Variants in TMEM255B observed in about 807,000 individuals in gnomAD.
TMEM255B encodes family with sequence similarity 70, member B.
A neutral mutation model predicts 34.5 loss-of-function variants in TMEM255B; 35 were observed. The observed-to-expected ratio is 1.01, with a 90% CI of 0.77 to 1.34. The LOEUF (loss-of-function observed/expected upper bound fraction) is 1.34. Among genes scored for constraint, TMEM255B ranks in the 40% most tolerant of loss-of-function variants. The probability of loss-of-function intolerance (pLI) is 0.00; values close to 1 mark genes in which losing one functional copy is unlikely to be tolerated. For missense variants in TMEM255B, 432 were observed against 433.2 expected, an observed-to-expected ratio of 1.00 and a Z score of 0.02; for synonymous variants, 206 against 201.2, an observed-to-expected ratio of 1.02 and a Z score of -0.20.
intron 3 of TMEM255B, among the ~76,000 whole-genome samples, chr13:113,776,369 C>G (rs1488227679): frequency 6.6e-6 from 1 of 152,212 alleles, no homozygotes; most frequent in African/African-American, 2.4e-5. Context: ...GGATCGTGCA[C>G]CTGCCACTCA....
intron 3 of TMEM255B, 136 bp from the exon 4 acceptor site, chr13:113,795,012 T>C (rs757063780): frequency 2.0e-5 from 15 of 763,216 alleles, no homozygotes; most frequent in Admixed American, 6.4e-5. Context: ...CTGGAAGTCA[T>C]AGGACGAAAG....
intron 3 of TMEM255B, among the ~76,000 whole-genome samples, chr13:113,777,035 A>G (rs2050590799): frequency 1.3e-5 from 2 of 152,066 alleles, no homozygotes; most frequent in African/African-American, 2.4e-5. Flanking sequence ...TTGCTGCCAC[A>G]GAAGCTGCAT....
At chr13:113,776,888 C>T (rs116733609) in intron 3 of TMEM255B, among the ~76,000 whole-genome samples, 5 of 152,128 alleles carry the variant, frequency 3.3e-5, no homozygotes, top group South Asian at 2.1e-4. Context: ...GCATCCCTGA[C>T]GCCCACCCAC....
chr13:113,766,270 G>A lies in TMEM255B; in HGVS notation c.189+13G>A. On this transcript the variant is annotated intron_variant, in intron 2 of 8. Transcript: ENST00000375353. ...CCCAGGGATCATTGTGAGTGCGCCG[G>A]GCGGGCGGCCTGGGCCGGGGAGGGC... is the stretch of plus-strand genomic sequence containing the variant. The A allele has an allele frequency of 6.2e-7, 1 of 1,613,690 alleles. No homozygotes were observed. The highest frequency in any genetic ancestry group is 8.5e-7 in the Non-Finnish European group (1 of 1,179,768).
chr13:113,804,628 G>GAGAGTCGGGGGTCGA, intron 7 of TMEM255B, among the ~76,000 whole-genome samples: 2 of 144,972 alleles, frequency 1.4e-5, no homozygotes, highest in Non-Finnish European at 1.5e-5. Context: ...GCTCCAGCCT[G>GAGAGTCGGGGGTCGA]GGTATAAACG....
chr13:113,804,883 A>G lies in TMEM255B; in HGVS notation c.670-2A>G, dbSNP rs1457531745. On this transcript the variant is annotated splice_acceptor_variant, in intron 7 of 8. Transcript: ENST00000375353. LOFTEE classifies it high-confidence loss of function. The stretch of plus-strand genomic sequence containing the variant: ...CGACCACCCGTCTCCTCTCCATGGC[A>G]GGTGCCTCTGTCCCAGCTGGCCTAT... The G allele has an allele frequency of 1.0e-5, 16 of 1,597,660 alleles. No homozygotes were observed. Among genetic ancestry groups the G allele is most frequent in the Non-Finnish European group, 1.4e-5 (16 of 1,177,696 alleles).
intron 4 of TMEM255B, 94 bp downstream of exon 4, chr13:113,795,331 G>T: frequency 7.4e-7 from 1 of 1,343,360 alleles, no homozygotes. Flanking sequence ...TCTCAGCTCA[G>T]ACGGCTTCAC....
chr13:113,759,676 C>T (rs1295993605), intron 1 of TMEM255B, among the ~76,000 whole-genome samples: 1 of 152,192 alleles, frequency 6.6e-6, no homozygotes. Flanking sequence ...AACAGGCGCC[C>T]CAAAGTGCGC....
chr13:113,811,395 C>T (rs1479452947), intron 8 of TMEM255B, among the ~76,000 whole-genome samples: 12 of 53,604 alleles, frequency 2.2e-4, no homozygotes, highest in African/African-American at 6.9e-4. Context: ...GGGAGGGGGA[C>T]GTAAGAGTGG....
chr13:113,784,027 T>C (rs1480873119), intron 3 of TMEM255B, among the ~76,000 whole-genome samples: 3 of 152,136 alleles, frequency 2.0e-5, no homozygotes, highest in Non-Finnish European at 4.4e-5. Context: ...TCAAAGATGC[T>C]GTTTTTGGGC....
intron 2 of TMEM255B, chr13:113,768,204 C>T (rs1018093902): frequency 2.1e-6 from 1 of 470,608 alleles, no homozygotes; most frequent in Admixed American, 2.3e-5. Flanking sequence ...GAGCAAGAGC[C>T]GTCTTAGGCC....
intron 8 of TMEM255B, among the ~76,000 whole-genome samples, chr13:113,808,795 G>GGC (rs370502657): frequency 1.7e-4 from 18 of 108,616 alleles, no homozygotes; most frequent in African/African-American, 6.9e-4. Context: ...TGGTTCCTGG[G>GGC]GGGGGGGTTA....
In TMEM255B at chr13:113,769,626, G is replaced by A. The variant is rs1009246914; in HGVS notation, c.252+466G>A. ...GAGAGGTAAAGACATAAAACCAGGAGGGAGCCCCCGGTTCACATGGCAGCA... is the reference window on the plus strand; with the variant it reads ...GAGAGGTAAAGACATAAAACCAGGAAGGAGCCCCCGGTTCACATGGCAGCA... On this transcript the variant is annotated intron_variant, in intron 3 of 8. Coordinates refer to ENST00000375353, the MANE Select transcript of TMEM255B (RefSeq NM_182614.4). This position sits in a 1 kb window ranked among gnomAD's most constrained non-coding sequence, Gnocchi z 4.2. 5.9e-6 allele frequency: 1 copy of A among 168,858 alleles called. No individual in the cohort carries two copies. Among genetic ancestry groups the A allele is most frequent in the Non-Finnish European group, 1.3e-5 (1 of 76,090 alleles). 10.5% of individuals were successfully genotyped at this position (168,858 alleles called of 1,614,324 possible). A position where few individuals can be genotyped will look rare whatever the true frequency, so the allele number is the denominator to read the frequency against.
Position 113,805,032 on chromosome 13 carries a change from G to A in TMEM255B, c.813+4G>A, listed in dbSNP as rs767954032. 1 of 1,593,236 alleles carries A rather than the reference G, an allele frequency of 6.3e-7. No homozygotes were observed. The highest frequency in any genetic ancestry group is 8.5e-7 in the Non-Finnish European group (1 of 1,171,734). On this transcript the variant is annotated splice_donor_region_variant and intron_variant, in intron 8 of 8. Transcript: ENST00000375353. ...GTCCTACCCTCTGCCCCTTCAGGTA[G>A]GGCCAGCATCACCTGCTGGAGTTGG...
At chr13:113,778,336 C>T (rs1455630864) in intron 3 of TMEM255B, among the ~76,000 whole-genome samples, 1 of 152,246 alleles carries the variant, frequency 6.6e-6, no homozygotes, top group African/African-American at 2.4e-5. Context: ...ATGGTATCAG[C>T]TGCTGTAACG....
chr13:113,809,108 G>A (rs1473425086), intron 8 of TMEM255B, among the ~76,000 whole-genome samples: 1 of 115,152 alleles, frequency 8.7e-6, no homozygotes, highest in Non-Finnish European at 1.8e-5. Context: ...CATGGTTCCC[G>A]GGGGCTTAAC....
rs138150896 is a variant in TMEM255B, at chr13:113,806,373, G to A, written c.813+1345G>A. On this transcript the variant is annotated intron_variant, in intron 8 of 8. Coordinates refer to ENST00000375353, the MANE Select transcript of TMEM255B (RefSeq NM_182614.4). The surrounding 1 kb of genome is among the most constrained non-coding windows in gnomAD (Gnocchi z 4.2). Reference sequence around the variant, plus strand: ...GGGTCAGCCACCTTCAGCCATGCCCGGGACACAGCAGCTGTTGGGCTCAGT... The same window carrying A: ...GGGTCAGCCACCTTCAGCCATGCCCAGGACACAGCAGCTGTTGGGCTCAGT... Among the ~76,000 whole-genome samples the A allele has an allele frequency of 6.6e-5, 10 of 152,252 alleles. No individual in the cohort carries two copies. In the East Asian group the frequency reaches 7.7e-4, roughly 12 times the overall value.
rs1436112806 is a variant in TMEM255B, at chr13:113,770,950, A to G, written c.252+1790A>G. On this transcript the variant is annotated intron_variant, in intron 3 of 8. Transcript: ENST00000375353. The surrounding 1 kb of genome is among the most constrained non-coding windows in gnomAD (Gnocchi z 4.6). The stretch of plus-strand genomic sequence containing the variant: ...AAGCTGGGCTTTGGCGATGCACAGG[A>G]TGGGTGGACAGTGTGGGTCTGTTTT... Among the ~76,000 whole-genome samples the G allele has an allele frequency of 6.6e-6, 1 of 152,148 alleles. No individual in the cohort carries two copies. The highest frequency in any genetic ancestry group is 1.5e-5 in the Non-Finnish European group (1 of 68,028).
chr13:113,775,207 A>T (rs2050556031), intron 3 of TMEM255B, among the ~76,000 whole-genome samples: 2 of 151,604 alleles, frequency 1.3e-5, no homozygotes. Flanking sequence ...CACACATACT[A>T]CAACACCACA....
Sources: allele counts gnomAD v4.1 joint callset (sites outside exome capture counted in the v4.1 genomes callset), GRCh38; gene constraint gnomAD v4.1.1; non-coding constraint Gnocchi (gnomAD v3.1); transcripts MANE v1.5; gene names NCBI Gene and HGNC (gene_info 2026-07-23, HGNC 2026-07-21).